Variants in PID1 observed in about 807,000 individuals in gnomAD.
PID1 encodes PTB-containing, cubilin and LRP1-interacting protein.
Under a neutral mutation model 19.1 loss-of-function variants are expected in PID1, and 10 were observed. That is an observed-to-expected ratio of 0.52 (90% CI 0.32 to 0.89). PID1 has a LOEUF of 0.89. Ranked by LOEUF, PID1 falls within the 40% of genes least tolerant of loss-of-function variation. The pLI is 0.03. For synonymous variants in PID1, 130 were observed against 116.0 expected, an observed-to-expected ratio of 1.12 and a Z score of -0.78; for missense variants, 248 against 285.3, an observed-to-expected ratio of 0.87 and a Z score of 0.94.
intron 1 of PID1, among the ~76,000 whole-genome samples, chr2:229,203,809 T>C (rs145661683): frequency 0.013 from 1,957 of 152,194 alleles, 50 homozygotes; most frequent in African/African-American, 0.045. Context: ...TCTCCAAGCA[T>C]GGAGACTAAT....
intron 2 of PID1, among the ~76,000 whole-genome samples, chr2:229,151,282 G>A (rs1380057650): frequency 1.3e-5 from 2 of 152,148 alleles, no homozygotes; most frequent in African/African-American, 2.4e-5. Context: ...AGTGGAATCC[G>A]GTGGGGGGGA....
chr2:229,266,337 C>A (rs1690591561), intron 1 of PID1, among the ~76,000 whole-genome samples: 1 of 151,886 alleles, frequency 6.6e-6, no homozygotes, highest in Non-Finnish European at 1.5e-5. Context: ...CTTTCAAGGT[C>A]TCTAGTTTGG....
At chr2:229,213,563 A>G (rs1173259252) in intron 1 of PID1, among the ~76,000 whole-genome samples, 1 of 152,194 alleles carries the variant, frequency 6.6e-6, no homozygotes, top group East Asian at 1.9e-4. Flanking sequence ...AGAATAGCAA[A>G]TTGCTCACAA....
chr2:229,074,321 T>TA (rs1011412133), intron 2 of PID1, among the ~76,000 whole-genome samples: 32 of 149,752 alleles, frequency 2.1e-4, no homozygotes, highest in African/African-American at 6.9e-4. Flanking sequence ...TAACATTACT[T>TA]AAAAAAAAAG....
intron 2 of PID1, among the ~76,000 whole-genome samples, chr2:229,030,468 G>A (rs1422857092): frequency 2.6e-5 from 4 of 152,230 alleles, no homozygotes; most frequent in East Asian, 1.9e-4. Flanking sequence ...AAAAGCATAC[G>A]GAGGAAATTA....
At chr2:229,227,638 G>T (rs1253644029) in intron 1 of PID1, among the ~76,000 whole-genome samples, 1 of 152,152 alleles carries the variant, frequency 6.6e-6, no homozygotes, top group Non-Finnish European at 1.5e-5. Context: ...ACCTCCTAGA[G>T]AAAGTTTTAT....
intron 1 of PID1, among the ~76,000 whole-genome samples, chr2:229,248,551 A>G (rs916684962): frequency 2.0e-5 from 3 of 152,188 alleles, no homozygotes; most frequent in African/African-American, 7.2e-5. Flanking sequence ...CACATAAAAC[A>G]TTCACACACT....
intron 1 of PID1, among the ~76,000 whole-genome samples, chr2:229,162,696 A>T (rs1690514226): frequency 6.6e-6 from 1 of 152,208 alleles, no homozygotes; most frequent in African/African-American, 2.4e-5. Context: ...TTGACATTCT[A>T]TTTATAATCA....
chr2:229,168,136 T>G (rs2106207206), intron 1 of PID1, among the ~76,000 whole-genome samples: 1 of 152,332 alleles, frequency 6.6e-6, no homozygotes, highest in East Asian at 1.9e-4. Context: ...ATGAAGCCAG[T>G]TATATAGCTT....
intron 2 of PID1, among the ~76,000 whole-genome samples, chr2:229,095,041 T>G (rs560525844): frequency 1.1e-3 from 172 of 152,188 alleles, no homozygotes; most frequent in African/African-American, 3.8e-3. Context: ...ATTTGAGTAA[T>G]TAACTAACAT....
intron 2 of PID1, among the ~76,000 whole-genome samples, chr2:229,123,600 G>A (rs1024933512): frequency 6.6e-6 from 1 of 152,154 alleles, no homozygotes; most frequent in African/African-American, 2.4e-5. Flanking sequence ...AATTACCACG[G>A]TGTTTTCCAA....
At chr2:229,158,754 C>T (rs1302110632) in intron 1 of PID1, among the ~76,000 whole-genome samples, 1 of 152,158 alleles carries the variant, frequency 6.6e-6, no homozygotes, top group African/African-American at 2.4e-5. Flanking sequence ...AGTACCTTCG[C>T]CTCAGTAAAA....
intron 1 of PID1, among the ~76,000 whole-genome samples, chr2:229,215,958 C>T (rs1321733414): frequency 1.3e-5 from 2 of 152,082 alleles, no homozygotes; most frequent in Non-Finnish European, 2.9e-5. Context: ...GTTTGTGAGA[C>T]AGCAGAATCA....
chr2:229,084,800 A>G (rs1309687901), intron 2 of PID1, among the ~76,000 whole-genome samples: 1 of 152,178 alleles, frequency 6.6e-6, no homozygotes. Flanking sequence ...AATGCACAGC[A>G]TTCACTCTCT....
chr2:229,083,420 C>T (rs886988018), intron 2 of PID1, among the ~76,000 whole-genome samples: 1 of 152,092 alleles, frequency 6.6e-6, no homozygotes, highest in Non-Finnish European at 1.5e-5. Context: ...ATGTTACTAG[C>T]AAATAGGATG....
intron 1 of PID1, among the ~76,000 whole-genome samples, chr2:229,212,115 C>A (rs2106250261): frequency 6.6e-6 from 1 of 152,082 alleles, no homozygotes; most frequent in African/African-American, 2.4e-5. Flanking sequence ...TTATTATGGT[C>A]TCTTTTTCTC....
chr2:229,231,792 G>T (rs1347517259), intron 1 of PID1: 1 of 1,395,562 alleles, frequency 7.2e-7, no homozygotes, highest in African/African-American at 1.4e-5. Flanking sequence ...TAGTCCAGAT[G>T]TGTGATGGCA....
intron 1 of PID1, among the ~76,000 whole-genome samples, chr2:229,234,350 T>C (rs1692278991): frequency 7.2e-6 from 1 of 139,166 alleles, no homozygotes; most frequent in Admixed American, 7.3e-5. Flanking sequence ...CTTTTAAATG[T>C]AGAAGAGGGA....
At chr2:229,257,712 C>T (rs1690340670) in intron 1 of PID1, among the ~76,000 whole-genome samples, 2 of 152,158 alleles carry the variant, frequency 1.3e-5, no homozygotes, top group Admixed American at 1.3e-4. Context: ...CTCAAATTTT[C>T]CTCCTTGAGG....
Sources: allele counts gnomAD v4.1 joint callset (sites outside exome capture counted in the v4.1 genomes callset), GRCh38; gene constraint gnomAD v4.1.1; transcripts MANE v1.5; gene names NCBI Gene and HGNC (gene_info 2026-07-23, HGNC 2026-07-21).